Variants in ZC3H12B observed in about 807,000 individuals in gnomAD.
The protein encoded by ZC3H12B is probable ribonuclease ZC3H12B.
Under a neutral mutation model 43.9 loss-of-function variants are expected in ZC3H12B, and 7 were observed. The ratio of observed to expected loss-of-function variants is 0.16; its 90% confidence interval spans 0.09 to 0.30. The LOEUF (loss-of-function observed/expected upper bound fraction) is 0.30. ZC3H12B is among the 10% of genes least tolerant of loss of function. ZC3H12B has a pLI of 1.00. For missense variants in ZC3H12B, 475 were observed against 670.2 expected, an observed-to-expected ratio of 0.71 and a Z score of 3.22; for synonymous variants, 222 against 241.7, an observed-to-expected ratio of 0.92 and a Z score of 0.76.
chrX:65,349,577 C>A, the ZC3H12B span, among the ~76,000 whole-genome samples: 2 of 111,311 alleles, frequency 1.8e-5, no homozygotes, highest in African/African-American at 6.5e-5. Flanking sequence ...AATCCAGGAG[C>A]TGTTTTTTGA....
chrX:65,381,197 G>T (rs12890335), intron 2 of ZC3H12B, among the ~76,000 whole-genome samples: 1 of 110,791 alleles, frequency 9.0e-6, no homozygotes, highest in East Asian at 2.8e-4. Flanking sequence ...GACCGCATAC[G>T]TGGAAGTAAA....
chrX:65,221,646 A>G, the ZC3H12B span, among the ~76,000 whole-genome samples: 3 of 110,754 alleles, frequency 2.7e-5, no homozygotes, highest in African/African-American at 9.8e-5. Context: ...ACCAAGAAGA[A>G]ATAGAAACTC....
chrX:65,158,041 C>T, the ZC3H12B span, among the ~76,000 whole-genome samples: 3 of 104,952 alleles, frequency 2.9e-5, no homozygotes, highest in East Asian at 3.1e-4. Context: ...TTTGCCCTTG[C>T]GAAAGTTTAC....
intron 2 of ZC3H12B, among the ~76,000 whole-genome samples, chrX:65,369,698 G>GT (rs988435095): frequency 2.8e-4 from 31 of 109,979 alleles, no homozygotes; most frequent in East Asian, 8.5e-4. Flanking sequence ...AAGCATCTAT[G>GT]TTTTTTTTTC....
In ZC3H12B at chrX:65,452,917, G is replaced by A. The variant is rs189706206; in HGVS notation, n.408-35729G>A. Reference sequence around the variant, plus strand: ...TGGGTAAAATCAATATTGTAAAAATGAACATACTGCTAAAAGCAATCTACA... The same window carrying A: ...TGGGTAAAATCAATATTGTAAAAATAAACATACTGCTAAAAGCAATCTACA... On this transcript the variant is annotated intron_variant and non_coding_transcript_variant, in intron 3 of 5. Transcript: ENST00000617377. Among the ~76,000 whole-genome samples the A allele has an allele frequency of 1.6e-4, 17 of 107,517 alleles. No individual in the cohort carries two copies. The East Asian group carries it at 4.7e-3, about 29-fold the overall frequency. 93.4% of individuals were successfully genotyped at this position (107,517 alleles called of 115,157 possible). A position where few individuals can be genotyped will look rare whatever the true frequency, so the allele number is the denominator to read the frequency against.
chrX:65,321,522 T>C, the ZC3H12B span, among the ~76,000 whole-genome samples: 11 of 111,419 alleles, frequency 9.9e-5, no homozygotes, highest in Non-Finnish European at 2.1e-4. Context: ...AACAGAACTA[T>C]CATTTGACCC....
At chrX:65,496,946 A>C (rs1484343566) in intron 1 of ZC3H12B, among the ~76,000 whole-genome samples, 186 bp from the exon 7 acceptor site, 2 of 82,784 alleles carry the variant, frequency 2.4e-5, no homozygotes, top group Non-Finnish European at 4.0e-5. Context: ...AAAAAGTGAG[A>C]CCAAAAAAAA....
intron 1 of ZC3H12B, among the ~76,000 whole-genome samples, chrX:65,367,039 A>G (rs762855266): frequency 3.6e-5 from 4 of 112,059 alleles, no homozygotes; most frequent in Non-Finnish European, 7.5e-5. Flanking sequence ...AGAGATGAAT[A>G]ACACTCACCC....
At chrX:65,366,316 G>T (rs1453229175), upstream of ZC3H12B, among the ~76,000 whole-genome samples, 1 of 111,435 alleles carries the variant, frequency 9.0e-6, no homozygotes, top group African/African-American at 3.3e-5. Flanking sequence ...ATAGAAGCTT[G>T]TTTCTTCTTC....
the ZC3H12B span, among the ~76,000 whole-genome samples, chrX:65,322,910 T>C: frequency 8.9e-6 from 1 of 112,059 alleles, no homozygotes; most frequent in Admixed American, 9.5e-5. Context: ...TCTTCAACTT[T>C]TTATTAATGT....
the ZC3H12B span, among the ~76,000 whole-genome samples, chrX:65,181,669 C>A: frequency 8.9e-6 from 1 of 112,291 alleles, no homozygotes; most frequent in Non-Finnish European, 1.9e-5. Context: ...CATCACTGGT[C>A]ATTAGAGAAA....
intron 3 of ZC3H12B, among the ~76,000 whole-genome samples, chrX:65,454,766 C>T (rs2067581530): frequency 9.0e-6 from 1 of 111,334 alleles, no homozygotes; most frequent in Non-Finnish European, 1.9e-5. Context: ...GCCGGGTACT[C>T]CTCTGAGACA....
intron 3 of ZC3H12B, among the ~76,000 whole-genome samples, chrX:65,473,695 C>T (rs1232728783): frequency 8.9e-6 from 1 of 112,020 alleles, no homozygotes; most frequent in African/African-American, 3.2e-5. Context: ...CCTAATTATT[C>T]TGGCTAGGAC....
chrX:65,076,390 C>A, the ZC3H12B span, among the ~76,000 whole-genome samples: 1 of 111,224 alleles, frequency 9.0e-6, no homozygotes, highest in African/African-American at 3.3e-5. Flanking sequence ...TCTTCCACCT[C>A]AATCTTCCAA....
the ZC3H12B span, among the ~76,000 whole-genome samples, chrX:65,319,374 G>A: frequency 3.8e-4 from 42 of 111,770 alleles, no homozygotes; most frequent in African/African-American, 1.3e-3. Flanking sequence ...GATTGAACCA[G>A]CAAGAGATTG....
intron 3 of ZC3H12B, among the ~76,000 whole-genome samples, chrX:65,425,798 C>T (rs866022835): frequency 9.0e-6 from 1 of 111,538 alleles, no homozygotes; most frequent in African/African-American, 3.3e-5. Context: ...ACCTGGCATC[C>T]TGGGGATGAA....
the ZC3H12B span, among the ~76,000 whole-genome samples, chrX:65,163,209 G>T: frequency 9.0e-6 from 1 of 111,438 alleles, no homozygotes; most frequent in Non-Finnish European, 1.9e-5. Context: ...GGTTGCTCGG[G>T]GGTCAGGGGT....
chrX:65,412,135 G>A (rs1198410741), intron 3 of ZC3H12B, among the ~76,000 whole-genome samples: 1 of 111,047 alleles, frequency 9.0e-6, no homozygotes, highest in Non-Finnish European at 1.9e-5. Flanking sequence ...CCATTAAGCA[G>A]TTTCTTCAAT....
rs939479798 is a variant in ZC3H12B, at chrX:65,430,838, A to C, written n.407+32134A>C. On this transcript the variant is annotated intron_variant and non_coding_transcript_variant, in intron 3 of 5. Transcript: ENST00000617377. ...GTTCACTTGGCTCCATGTTACTCCC[A>C]GGTGGGCCATCACCCCATCCTGCTT... Among the ~76,000 whole-genome samples, 4 of 111,354 alleles carry C rather than the reference A, an allele frequency of 3.6e-5. No homozygotes were observed. The South Asian group carries it at 1.5e-3, about 43-fold the overall frequency.
Sources: gnomAD v4.1 joint callset for allele counts (sites outside exome capture counted in the v4.1 genomes callset) on GRCh38, gnomAD v4.1.1 for gene constraint, MANE v1.5 for transcripts, NCBI Gene and HGNC (gene_info 2026-07-23, HGNC 2026-07-21) for gene names.